The following WFS1 variants were observed in gnomAD, a reference collection of about 807,000 sequenced individuals.
WFS1 encodes wolframin ER transmembrane glycoprotein.
In WFS1, 90 loss-of-function variants were observed where a neutral mutation model predicts 68.5. The observed-to-expected ratio is 1.31, with a 90% CI of 1.11 to 1.56. WFS1 has a LOEUF of 1.56. Among genes scored for constraint, WFS1 ranks in the 40% most tolerant of loss-of-function variants. WFS1 has a pLI of 0.00. For missense variants in WFS1, 1,767 were observed against 1,232.6 expected (o/e 1.43, Z -6.49); for synonymous variants, 860 against 540.7 (o/e 1.59, Z -8.19).
intron 6 of WFS1, 64 bp from the exon 7 acceptor site, chr4:6,294,977 C>A: frequency 6.2e-7 from 1 of 1,611,330 alleles, no homozygotes. Flanking sequence ...GCCCATTGCT[C>A]TGTGTGAGGG....
intron 6 of WFS1, among the ~76,000 whole-genome samples, chr4:6,294,089 G>A (rs374162900): frequency 5.9e-5 from 9 of 152,298 alleles, no homozygotes; most frequent in South Asian, 2.1e-4. Flanking sequence ...GTCTGTCAGC[G>A]CCCACTATCA....
Position 6,274,467 on chromosome 4 carries a change from G to C in WFS1, c.-5-2984G>C, listed in dbSNP as rs535268703. Among the ~76,000 whole-genome samples the C allele has an allele frequency of 5.3e-5, 8 of 152,256 alleles. No individual in the cohort carries two copies. The South Asian group carries it at 1.5e-3, about 28-fold the overall frequency. On this transcript the variant is annotated intron_variant, in intron 1 of 7. Coordinates refer to ENST00000226760, the MANE Select transcript of WFS1 (RefSeq NM_006005.3). ...TTACATATGGGGAAACAGACACAGT[G>C]AGGTCATGTGGCCACTAGTAAGGGT...
intron 7 of WFS1, among the ~76,000 whole-genome samples, chr4:6,296,956 C>T (rs1249728653): frequency 6.6e-6 from 1 of 152,208 alleles, no homozygotes; most frequent in African/African-American, 2.4e-5. Flanking sequence ...TCCCAAATAG[C>T]TGGACTACAG....
In WFS1 at chr4:6,287,442, A is replaced by T. The variant is rs1730347015; in HGVS notation, c.315+267A>T. Among the ~76,000 whole-genome samples, 1 of 152,134 alleles carries T rather than the reference A, an allele frequency of 6.6e-6. No individual in the cohort carries two copies. Among genetic ancestry groups the T allele is most frequent in the African/African-American group, 2.4e-5 (1 of 41,436 alleles). The stretch of plus-strand genomic sequence containing the variant: ...CATCTTGGGCATCACCTCCTCCAGG[A>T]TGACCTCCTGGCTTCCTGCAGCTGC... On this transcript the variant is annotated intron_variant, in intron 3 of 7. Coordinates refer to ENST00000226760, the MANE Select transcript of WFS1 (RefSeq NM_006005.3). This position sits in a 1 kb window ranked among gnomAD's most constrained non-coding sequence, Gnocchi z 6.4.
Position 6,277,590 on chromosome 4 carries a change from A to G in WFS1, c.135A>G (p.Gly45=). 6.3e-7 allele frequency: 1 copy of G among 1,580,640 alleles called. No individual in the cohort carries two copies. Among genetic ancestry groups the G allele is most frequent in the Non-Finnish European group, 8.6e-7 (1 of 1,163,546 alleles). The stretch of plus-strand genomic sequence containing the variant: ...GGAGCGAAAGGCCCCGAGCACCCGG[A>G]CCCCAGGCTGGCCCTGGCCCTGGTG... ...QERSERPRAP[G]PQAGPGPGVR... is the part of the protein sequence containing the mutation. The change falls in exon 2 of 8, where the codon GGA becomes GGG. Residue 45 remains glycine, a synonymous_variant. Coordinates refer to ENST00000226760, the MANE Select transcript of WFS1 (RefSeq NM_006005.3).
intron 3 of WFS1, chr4:6,288,417 A>C (rs747629404): frequency 1.2e-4 from 19 of 162,496 alleles, no homozygotes; most frequent in Non-Finnish European, 2.3e-4. Flanking sequence ...TCTTTTTGCA[A>C]AGGGCCAGAT....
chr4:6,284,552 A>G (rs1730257912), intron 2 of WFS1, among the ~76,000 whole-genome samples: 1 of 151,944 alleles, frequency 6.6e-6, no homozygotes, highest in Non-Finnish European at 1.5e-5. Flanking sequence ...GAATAATATG[A>G]CTTGTGAACT....
rs375370989 is a variant in WFS1 at position 6,300,646 on chromosome 4, C to A, written c.862-11C>A. 47 of 1,613,752 alleles carry A rather than the reference C, an allele frequency of 2.9e-5. No homozygotes were observed. Among genetic ancestry groups the A allele is most frequent in the Non-Finnish European group, 3.8e-5 (45 of 1,179,900 alleles). ...TCCCAGCCTCGTTCCCACGTACCAT[C>A]TTTCCCCCAGGTGGTCAAGTACCCC... On this transcript the variant is annotated splice_polypyrimidine_tract_variant and intron_variant, in intron 7 of 7. Coordinates refer to ENST00000226760, the MANE Select transcript of WFS1 (RefSeq NM_006005.3).
In WFS1 at chr4:6,300,668, C is replaced by T. The variant is rs777580652; in HGVS notation, c.873C>T (p.Tyr291=). 1.1e-5 allele frequency: 17 copies of T among 1,613,976 alleles called. No individual in the cohort carries two copies. The highest frequency in any genetic ancestry group is 1.7e-5 in the Admixed American group (1 of 60,006). ...CATCTTTCCCCCAGGTGGTCAAGTA[C>T]CCCCTGCACGCCATCATGGAGATCA... ...DLPLRLKVVK[Y]PLHAIMEIKE... is the part of the protein sequence containing the mutation. Residue 291 remains tyrosine (Y), a synonymous_variant, in exon 8 of 8, where the codon TAC becomes TAT. Coordinates refer to ENST00000226760, the MANE Select transcript of WFS1 (RefSeq NM_006005.3).
At chr4:6,297,628 A>G (rs1273032244) in intron 7 of WFS1, among the ~76,000 whole-genome samples, 2 of 152,148 alleles carry the variant, frequency 1.3e-5, no homozygotes, top group East Asian at 3.9e-4. Context: ...CCGCTGGGCC[A>G]TCGGTGTGGT....
chr4:6,296,914 T>G (rs763498671), intron 7 of WFS1, among the ~76,000 whole-genome samples: 1 of 152,238 alleles, frequency 6.6e-6, no homozygotes, highest in Non-Finnish European at 1.5e-5. Flanking sequence ...AGCCTCAACG[T>G]GCCAAACTCA....
At position 6,293,985 on chromosome 4, in the gene WFS1, G is replaced by GC. The variant is rs1043197907; in HGVS notation, c.713-1049dup. On this transcript the variant is annotated intron_variant, in intron 6 of 7. Coordinates refer to ENST00000226760, the MANE Select transcript of WFS1 (RefSeq NM_006005.3). ...CCTGTGCTACCTGCCACTTGTGTGG[G>GC]CCCCCCCAAGGCTGCCTCATCTCTT... Among the ~76,000 whole-genome samples the GC allele has an allele frequency of 5.3e-5, 8 of 150,258 alleles. No individual in the cohort carries two copies. The South Asian group carries it at 8.5e-4, about 16-fold the overall frequency.
intron 6 of WFS1, among the ~76,000 whole-genome samples, chr4:6,292,407 A>G (rs12505929): frequency 6.6e-6 from 1 of 150,506 alleles, no homozygotes; most frequent in Non-Finnish European, 1.5e-5. Flanking sequence ...GCAAAGGCCC[A>G]GGAGACCCAG....
In WFS1 at chr4:6,301,210, C is replaced by T; in HGVS notation, c.1415C>T (p.Pro472Leu). ...EVTAGLLSLLPSMPLNWPYLK... is the reference protein window; with the variant it reads ...EVTAGLLSLLLSMPLNWPYLK... ...ACCGCCGGCCTGCTATCGCTGCTGC[C>T]CTCCATGCCCTTGAATTGGCCCTAC... is the stretch of plus-strand genomic sequence containing the variant. The change falls in exon 8 of 8, where the codon CCC becomes CTC. Residue 472 changes from proline (P) to leucine (L), a missense_variant. Physicochemically the swap from Pro to Leu is moderately conservative, Grantham distance 98. Transcript: ENST00000226760. The T allele has an allele frequency of 5.6e-6, 9 of 1,612,162 alleles. No homozygotes were observed. The highest frequency in any genetic ancestry group is 7.6e-6 in the Non-Finnish European group (9 of 1,179,970).
intron 1 of WFS1, among the ~76,000 whole-genome samples, chr4:6,274,693 T>TA (rs1399623841): frequency 1.3e-5 from 2 of 151,524 alleles, no homozygotes. Flanking sequence ...GGGTCTAGGC[T>TA]GGGGGAGGGG....
intron 2 of WFS1, among the ~76,000 whole-genome samples, chr4:6,280,557 T>G (rs1218042199): frequency 6.6e-6 from 1 of 152,202 alleles, no homozygotes; most frequent in Non-Finnish European, 1.5e-5. Context: ...GGGCCTGTTC[T>G]GTTTAGCCCT....
At chr4:6,270,308 G>A (rs995635469) in intron 1 of WFS1, among the ~76,000 whole-genome samples, 1 of 151,526 alleles carries the variant, frequency 6.6e-6, no homozygotes, top group Non-Finnish European at 1.5e-5. Flanking sequence ...CAGCAGGCCC[G>A]AGAGGCGGAG....
chr4:6,292,646 T>TG (rs967014354), intron 6 of WFS1, among the ~76,000 whole-genome samples: 5 of 152,088 alleles, frequency 3.3e-5, no homozygotes, highest in African/African-American at 1.2e-4. Flanking sequence ...TCTGAGGCAC[T>TG]GGGAGCTCCT....
chr4:6,302,357 C>G lies in WFS1; in HGVS notation c.2562C>G (p.Leu854=), dbSNP rs1730974293. ...AISCLNCMAQ[L]SPTRRHVKIE... Reference sequence around the variant, plus strand: ...GCTGCCTCAACTGCATGGCCCAGCTCTCACCCACCAGGCGGCACGTGAAGA... The same window carrying G: ...GCTGCCTCAACTGCATGGCCCAGCTGTCACCCACCAGGCGGCACGTGAAGA... The change falls in exon 8 of 8, where the codon CTC becomes CTG. Residue 854 remains leucine, a synonymous_variant. Coordinates refer to ENST00000226760, the MANE Select transcript of WFS1 (RefSeq NM_006005.3). The G allele has an allele frequency of 2.5e-6, 4 of 1,612,924 alleles. No individual in the cohort carries two copies. Among genetic ancestry groups the G allele is most frequent in the African/African-American group, 1.3e-5 (1 of 74,954 alleles).
Sources: gnomAD v4.1 joint callset for allele counts (sites outside exome capture counted in the v4.1 genomes callset) on GRCh38, gnomAD v4.1.1 for gene constraint, Gnocchi (gnomAD v3.1) non-coding constraint, MANE v1.5 for transcripts, NCBI Gene and HGNC (gene_info 2026-07-23, HGNC 2026-07-21) for gene names.